The following NLRP7 variants were observed in gnomAD, a reference collection of about 807,000 sequenced individuals.
NLRP7 encodes the protein NLR family pyrin domain containing 7.
In NLRP7, 72 loss-of-function variants were observed where a neutral mutation model predicts 85.5. The ratio of observed to expected loss-of-function variants is 0.84; its 90% confidence interval spans 0.70 to 1.02. The LOEUF (loss-of-function observed/expected upper bound fraction) is 1.02, where lower values mean the gene tolerates loss of function less well. Among genes scored for constraint, NLRP7 ranks in the 50% least tolerant of loss-of-function variants. NLRP7 has a pLI of 0.00. For missense variants in NLRP7, 1,243 were observed against 1,219.5 expected, an observed-to-expected ratio of 1.02 and a Z score of -0.29; for synonymous variants, 550 against 505.2, an observed-to-expected ratio of 1.09 and a Z score of -1.19.
At chr19:54,964,630 C>T (rs1475105700) in intron 1 of NLRP7, among the ~76,000 whole-genome samples, 1 of 151,310 alleles carries the variant, frequency 6.6e-6, no homozygotes, top group South Asian at 2.1e-4. Context: ...TGAGACCAGC[C>T]TGGCCAGCAT....
rs1225231295 is a variant in NLRP7 at position 54,965,327 on chromosome 19, C to G, written c.-77+713G>C. On this transcript the variant is annotated intron_variant, in intron 1 of 2. Transcript: ENST00000587103. ...GAGAAAGAAGCCTTAATAGAGCTTT[C>G]TCAACCTGCAGCCCTCATCTCCGCC... 2 of 104,236 alleles carry G rather than the reference C, an allele frequency of 1.9e-5. 1 individual carries two copies. The highest frequency in any genetic ancestry group is 4.1e-5 in the Non-Finnish European group (2 of 49,370). The allele number at this position is 104,236 out of a possible 1,614,324, so 6.5% of individuals were successfully genotyped here.
chr19:54,939,976 G>T lies in NLRP7; in HGVS notation c.843C>A (p.Val281=), dbSNP rs1305372615. ...TCCTCTTCAGCAAACTCCCCAGGAGGACGGGCACCGGCTTCTTCTTCTCCC... is the reference window on the plus strand; with the variant it reads ...TCCTCTTCAGCAAACTCCCCAGGAGTACGGGCACCGGCTTCTTCTTCTCCC... The change falls in exon 4 of 10, where the codon GTC becomes GTA. Residue 281 remains valine (V), a synonymous_variant. Coordinates refer to ENST00000340844, the Ensembl canonical transcript of NLRP7. 3 of 1,614,030 alleles carry T rather than the reference G, an allele frequency of 1.9e-6. No individual in the cohort carries two copies. The African/African-American group carries it at 4.0e-5, about 22-fold the overall frequency.
chr19:54,927,898 C>G, intron 9 of NLRP7, 123 bp from the exon 10 acceptor site: 1 of 829,396 alleles, frequency 1.2e-6, no homozygotes, highest in East Asian at 2.4e-5. Context: ...TCGAGACCAG[C>G]CTTGCCAACA....
Position 54,939,100 on chromosome 19 carries a change from GCCCAAGA to G in NLRP7, c.1712_1718del (p.Val571AlafsTer26), listed in dbSNP as rs748139789. ...CCTCCTCCTGAGACTCATACAGGCA[GCCCAAGA>G]CCTCCTTCAGGTCGGTCACGGATAA... On this transcript the variant is annotated frameshift_variant, in exon 4 of 10. Transcript: ENST00000340844. LOFTEE classifies it high-confidence loss of function. The G allele has an allele frequency of 6.2e-7, 1 of 1,614,214 alleles. No homozygotes were observed. Among genetic ancestry groups the G allele is most frequent in the Admixed American group, 1.7e-5 (1 of 60,010 alleles).
At chr19:54,952,671 C>A (rs905503785) in intron 1 of NLRP7, among the ~76,000 whole-genome samples, 1 of 152,064 alleles carries the variant, frequency 6.6e-6, no homozygotes, top group Non-Finnish European at 1.5e-5. Flanking sequence ...CATTCCTCAG[C>A]CCTGTGATTA....
chr19:54,947,709 A>C, upstream of NLRP7: 1 of 1,192,384 alleles, frequency 8.4e-7, no homozygotes. Context: ...GCTTTGGAGA[A>C]TTACGGCTTG....
intron 1 of NLRP7, among the ~76,000 whole-genome samples, chr19:54,945,891 G>A (rs1051307394): frequency 4.9e-4 from 74 of 152,060 alleles, no homozygotes; most frequent in African/African-American, 1.7e-3. Context: ...CCAGGTTCAC[G>A]CCATTCTCCT....
intron 3 of NLRP7, 105 bp downstream of exon 3, chr19:54,940,826 C>CAAAA: frequency 1.1e-5 from 8 of 759,162 alleles, no homozygotes; most frequent in Admixed American, 2.0e-5. Flanking sequence ...GATTCCGTCT[C>CAAAA]AAAAAAAAAA....
At chr19:54,964,462 T>A (rs868863359) in intron 1 of NLRP7, among the ~76,000 whole-genome samples, 1 of 149,266 alleles carries the variant, frequency 6.7e-6, no homozygotes, top group Non-Finnish European at 1.5e-5. Flanking sequence ...GTGATCCACC[T>A]GCCTCGGCCT....
upstream of NLRP7, among the ~76,000 whole-genome samples, chr19:54,950,366 C>A (rs2069629839): frequency 6.6e-6 from 1 of 152,142 alleles, no homozygotes; most frequent in Non-Finnish European, 1.5e-5. Flanking sequence ...GAGACACAGA[C>A]AAAGTATAGA....
intron 5 of NLRP7, among the ~76,000 whole-genome samples, chr19:54,937,336 T>C (rs1299088020): frequency 1.3e-5 from 2 of 151,954 alleles, no homozygotes; most frequent in African/African-American, 4.8e-5. Flanking sequence ...CGGTTACCTG[T>C]GTAACTAACC....
chr19:54,947,394 G>A, intron 1 of NLRP7, 75 bp downstream of exon 1: 2 of 1,096,614 alleles, frequency 1.8e-6, no homozygotes, highest in Non-Finnish European at 2.5e-6. Flanking sequence ...GAAGGGCTAT[G>A]GTGGAAACTC....
exon 4 of NLRP7, chr19:54,939,096 G>T: frequency 6.2e-7 from 1 of 1,614,212 alleles, no homozygotes; most frequent in African/African-American, 1.3e-5. Flanking sequence ...GACTCATACA[G>T]GCAGCCCAAG....
intron 1 of NLRP7, among the ~76,000 whole-genome samples, chr19:54,958,332 CAAT>C (rs1262647319): frequency 6.6e-6 from 1 of 151,876 alleles, no homozygotes; most frequent in African/African-American, 2.4e-5. Context: ...ATGTCAGTAA[CAAT>C]AATAGCATTA....
chr19:54,931,836 G>T (rs75628830), intron 8 of NLRP7, among the ~76,000 whole-genome samples: 1 of 125,678 alleles, frequency 8.0e-6, no homozygotes, highest in African/African-American at 3.5e-5. Context: ...GTGACAGAGA[G>T]AGACTGTTAA....
At position 54,925,554 on chromosome 19, in the gene NLRP7, C is replaced by T. The variant is rs146434485; in HGVS notation, c.2811-1682G>A. On this transcript the variant is annotated intron_variant, in intron 9 of 9. Transcript: ENST00000340844. ...TGCACAGTGGCTCACGCCTGCAATC[C>T]GGGTACTTTGTGAGGCCAAGACAGG... is the stretch of plus-strand genomic sequence containing the variant. Among the ~76,000 whole-genome samples the T allele has an allele frequency of 4.5e-4, 69 of 152,194 alleles. No individual in the cohort carries two copies. The East Asian group carries it at 0.012, about 26-fold the overall frequency.
At chr19:54,941,548 G>A (rs775975550) in exon 2 of NLRP7, 3 of 1,613,970 alleles carry the variant, frequency 1.9e-6, no homozygotes, top group Non-Finnish European at 2.5e-6. Flanking sequence ...CAGAATTTCT[G>A]CCAGTTTCTT....
intron 1 of NLRP7, among the ~76,000 whole-genome samples, chr19:54,963,052 G>T (rs552088117): frequency 6.6e-6 from 1 of 152,112 alleles, no homozygotes; most frequent in East Asian, 1.9e-4. Flanking sequence ...GTGAAAAATG[G>T]GTAGGATCAT....
upstream of NLRP7, among the ~76,000 whole-genome samples, chr19:54,950,911 T>C (rs2146265108): frequency 6.6e-6 from 1 of 152,350 alleles, no homozygotes; most frequent in East Asian, 1.9e-4. Context: ...GGAGAAACCC[T>C]GGACAATACC....
Sources: gnomAD v4.1 joint callset for allele counts (sites outside exome capture counted in the v4.1 genomes callset) on GRCh38, gnomAD v4.1.1 for gene constraint, MANE v1.5 for transcripts, NCBI Gene and HGNC (gene_info 2026-07-23, HGNC 2026-07-21) for gene names.